The following LTBP1 variants were observed in gnomAD, a reference collection of about 807,000 sequenced individuals.
LTBP1 encodes latent-transforming growth factor beta-binding protein 1.
Under a neutral mutation model 207.6 loss-of-function variants are expected in LTBP1, and 129 were observed. The observed-to-expected ratio is 0.62, with a 90% CI of 0.54 to 0.72. LTBP1 has a LOEUF of 0.72. LTBP1 is among the 30% of genes least tolerant of loss of function. The probability of loss-of-function intolerance (pLI) is 0.00; values close to 1 mark genes in which losing one functional copy is unlikely to be tolerated. For synonymous variants in LTBP1, 963 were observed against 833.7 expected (o/e 1.16, Z -2.67); for missense variants, 2,281 against 2,217.2 (o/e 1.03, Z -0.58).
intron 24 of LTBP1, among the ~76,000 whole-genome samples, chr2:33,325,559 T>C (rs1169132430): frequency 1.3e-5 from 2 of 152,200 alleles, no homozygotes; most frequent in East Asian, 1.9e-4. Context: ...TACGTAAAAC[T>C]ATTACATTAA....
chr2:33,282,982 G>C (rs147606509), intron 19 of LTBP1, among the ~76,000 whole-genome samples: 7,656 of 146,866 alleles, frequency 0.052, 644 homozygotes, highest in African/African-American at 0.18. Flanking sequence ...AGAATCGCTT[G>C]AACCTGGGAG....
intron 2 of LTBP1, among the ~76,000 whole-genome samples, chr2:32,979,728 C>A (rs949889321): frequency 6.6e-6 from 1 of 151,830 alleles, no homozygotes; most frequent in African/African-American, 2.4e-5. Context: ...TCCATGATTT[C>A]TTTGTTGATA....
chr2:33,192,886 C>G (rs1386368102), intron 7 of LTBP1, among the ~76,000 whole-genome samples: 2 of 152,154 alleles, frequency 1.3e-5, no homozygotes, highest in Non-Finnish European at 2.9e-5. Context: ...GCTGAACTTG[C>G]TTTTATAACA....
At chr2:33,027,040 C>A (rs1334581079) in intron 3 of LTBP1, among the ~76,000 whole-genome samples, 1 of 152,192 alleles carries the variant, frequency 6.6e-6, no homozygotes, top group East Asian at 1.9e-4. Context: ...TGTTTTTTTT[C>A]ACTCAGTGTT....
intron 7 of LTBP1, among the ~76,000 whole-genome samples, chr2:33,216,531 A>T (rs1420239492): frequency 6.6e-6 from 1 of 152,134 alleles, no homozygotes; most frequent in East Asian, 1.9e-4. Flanking sequence ...AGTCAGTGAA[A>T]GTTTTTAATC....
At chr2:33,207,429 G>T (rs1311955861) in intron 7 of LTBP1, among the ~76,000 whole-genome samples, 1 of 152,042 alleles carries the variant, frequency 6.6e-6, no homozygotes, top group Non-Finnish European at 1.5e-5. Flanking sequence ...AATATCAGAG[G>T]ATTATAGTTG....
chr2:33,380,934 A>T (rs569929157), intron 31 of LTBP1, among the ~76,000 whole-genome samples: 1 of 152,198 alleles, frequency 6.6e-6, no homozygotes, highest in Admixed American at 6.5e-5. Flanking sequence ...TAAAAAAAAA[A>T]TTTCAGCTTG....
At chr2:33,265,371 C>T (rs2093146729) in intron 15 of LTBP1, among the ~76,000 whole-genome samples, 1 of 152,126 alleles carries the variant, frequency 6.6e-6, no homozygotes, top group African/African-American at 2.4e-5. Flanking sequence ...ATAATATTCC[C>T]AAAGGCTGTG....
At chr2:33,149,000 G>A (rs756688532) in intron 5 of LTBP1, among the ~76,000 whole-genome samples, 1 of 152,104 alleles carries the variant, frequency 6.6e-6, no homozygotes, top group East Asian at 1.9e-4. Context: ...GGATCACGAG[G>A]TCAGGAGATC....
chr2:32,955,183 T>G (rs1340543084), intron 2 of LTBP1, among the ~76,000 whole-genome samples: 1 of 152,198 alleles, frequency 6.6e-6, no homozygotes, highest in Non-Finnish European at 1.5e-5. Flanking sequence ...TGACCCTTTA[T>G]GTGGGAATTT....
chr2:33,039,424 G>C (rs1359250532), intron 3 of LTBP1, among the ~76,000 whole-genome samples: 1 of 152,170 alleles, frequency 6.6e-6, no homozygotes, highest in African/African-American at 2.4e-5. Context: ...AGGGGAAACA[G>C]TATTGTATCC....
intron 20 of LTBP1, 39 bp downstream of exon 20, chr2:33,293,321 T>C: frequency 6.4e-7 from 1 of 1,569,346 alleles, no homozygotes; most frequent in East Asian, 2.3e-5. Flanking sequence ...TTATTTAAAC[T>C]TCATTTAAAT....
chr2:33,149,236 A>AC (rs2083313332), intron 5 of LTBP1, among the ~76,000 whole-genome samples: 24 of 116,614 alleles, frequency 2.1e-4, no homozygotes, highest in African/African-American at 6.2e-4. Flanking sequence ...AACAAAAAAA[A>AC]AAAAAAAAAA....
chr2:33,170,914 C>T (rs1266839036), intron 5 of LTBP1, among the ~76,000 whole-genome samples: 5 of 152,166 alleles, frequency 3.3e-5, no homozygotes, highest in Non-Finnish European at 7.3e-5. Flanking sequence ...CTGGAGTGGA[C>T]CTCTAGCAAA....
At chr2:33,122,867 A>G (rs920587968) in intron 4 of LTBP1, among the ~76,000 whole-genome samples, 2 of 152,084 alleles carry the variant, frequency 1.3e-5, no homozygotes, top group African/African-American at 4.8e-5. Context: ...GCTGTACACA[A>G]CCGCAGTTGA....
intron 19 of LTBP1, among the ~76,000 whole-genome samples, chr2:33,283,419 A>G (rs1249681202): frequency 6.8e-6 from 1 of 147,048 alleles, no homozygotes; most frequent in African/African-American, 2.5e-5. Flanking sequence ...CCGTGATAAC[A>G]TTAAAGACTT....
chr2:33,231,180 A>G (rs2091765323), intron 9 of LTBP1, among the ~76,000 whole-genome samples: 1 of 152,212 alleles, frequency 6.6e-6, no homozygotes, highest in African/African-American at 2.4e-5. Context: ...TCTTCGAACT[A>G]GCTGAATTTT....
chr2:33,267,748 G>C (rs1290989168), intron 15 of LTBP1, among the ~76,000 whole-genome samples: 2 of 152,176 alleles, frequency 1.3e-5, no homozygotes, highest in African/African-American at 2.4e-5. Context: ...TTTCAAACTA[G>C]CTTTGTAGAG....
intron 24 of LTBP1, among the ~76,000 whole-genome samples, chr2:33,340,122 G>C (rs1026212001): frequency 6.6e-6 from 1 of 152,060 alleles, no homozygotes; most frequent in African/African-American, 2.4e-5. Context: ...GCCAGGCGTG[G>C]TGGCGAGCGC....
Sources: gnomAD v4.1 joint callset for allele counts (sites outside exome capture counted in the v4.1 genomes callset) on GRCh38, gnomAD v4.1.1 for gene constraint, MANE v1.5 for transcripts, NCBI Gene and HGNC (gene_info 2026-07-23, HGNC 2026-07-21) for gene names.